Variants in PKD1 observed in about 807,000 individuals in gnomAD.
PKD1 encodes the protein polycystin 1, transient receptor potential channel interacting.
PKD1 carries 81 observed loss-of-function variants against 361.7 expected under a neutral mutation model. The ratio of observed to expected loss-of-function variants is 0.22; its 90% CI spans 0.19 to 0.27. The LOEUF (loss-of-function observed/expected upper bound fraction) is 0.27. Among genes scored for constraint, PKD1 ranks in the 10% least tolerant of loss-of-function variants. The pLI, the probability that PKD1 is intolerant of heterozygous loss-of-function variation, is 1.00. For missense variants in PKD1, 6,399 were observed against 6,118.3 expected (o/e 1.05, Z -1.53); for synonymous variants, 3,615 against 2,818.3 (o/e 1.28, Z -8.95).
At position 2,091,837 on chromosome 16, in the gene PKD1, C is replaced by T. The variant is rs548274621; in HGVS notation, c.11481G>A (p.Leu3827=). ...GGYVQELGLS[L]EESRDRLRFL... ...AGCGCAGCCGGTCGCGGCTCTCCTC[C>T]AGGCTCAGGCCCAGCTCCTGCACGT... The change falls in exon 41 of 46, where the codon CTG becomes CTA. Residue 3827 remains leucine (L), a synonymous_variant. Transcript: ENST00000262304. The T allele has an allele frequency of 1.2e-6, 2 of 1,610,132 alleles. No individual in the cohort carries two copies. Among genetic ancestry groups the T allele is most frequent in the Non-Finnish European group, 1.7e-6 (2 of 1,179,136 alleles).
chr16:2,092,009 T>A, intron 40 of PKD1, 38 bp downstream of exon 40: 1 of 1,612,648 alleles, frequency 6.2e-7, no homozygotes, highest in Non-Finnish European at 8.5e-7. Flanking sequence ...TACTCCCTTG[T>A]CCTTGGCGTA....
At chr16:2,107,119 G>T (rs1026110558) in intron 16 of PKD1, 171 bp from the exon 17 acceptor site, 62 of 698,680 alleles carry the variant, frequency 8.9e-5, no homozygotes, top group Non-Finnish European at 1.5e-4. Flanking sequence ...CTTCCAACTT[G>T]GACGGCGGAA....
chr16:2,098,444 CAA>C (rs2151731862), intron 30 of PKD1, among the ~76,000 whole-genome samples: 1 of 149,910 alleles, frequency 6.7e-6, no homozygotes, highest in African/African-American at 2.5e-5. Flanking sequence ...CTCCTGACCT[CAA>C]GTGATCTGCC....
intron 1 of PKD1, among the ~76,000 whole-genome samples, chr16:2,130,183 C>A (rs258368): frequency 1.3e-5 from 2 of 152,244 alleles, no homozygotes; most frequent in East Asian, 1.9e-4. Flanking sequence ...GTGCGGGAGC[C>A]ACGTAAGACC....
chr16:2,105,171 G>A, intron 21 of PKD1, 151 bp downstream of exon 21: 1 of 793,444 alleles, frequency 1.3e-6, no homozygotes, highest in Non-Finnish European at 2.1e-6. Context: ...TGAGGCTACT[G>A]AAGCAGGTCA....
In PKD1 at chr16:2,089,946, C is replaced by G; in HGVS notation, c.12693G>C (p.Gln4231His). ...CCAGCTGGTAGACGTCCTCTGTGGC[C>G]TGGTTGAGTCGGTCAAACTGGGTGA... is the stretch of plus-strand genomic sequence containing the variant. ...ALLTQFDRLNQATEDVYQLEQ... is the reference protein window; with the variant it reads ...ALLTQFDRLNHATEDVYQLEQ... Residue 4231 changes from glutamine (Q) to histidine (H), a missense_variant, in exon 46 of 46, where the codon CAG becomes CAC. Coordinates refer to ENST00000262304, the MANE Select transcript of PKD1 (RefSeq NM_001009944.3). 6.2e-7 allele frequency: 1 copy of G among 1,612,320 alleles called. No homozygotes were observed. The highest frequency in any genetic ancestry group is 8.5e-7 in the Non-Finnish European group (1 of 1,179,780).
rs777931181 is a variant in PKD1, at chr16:2,090,885, T to C, written c.12002A>G (p.Lys4001Arg). The change falls in exon 43 of 46, where the codon AAG becomes AGG. Residue 4001 changes from lysine (K) to arginine (R), a missense_variant and splice_region_variant. Coordinates refer to ENST00000262304, the MANE Select transcript of PKD1 (RefSeq NM_001009944.3). ...CGCGCCCACCGGCCCAGCCCTCACC[T>C]TGACCAAAAGCAGGAAGAGCAGCGA... is the stretch of plus-strand genomic sequence containing the variant. ...AASLLFLLLV[K>R]AAQQLRFVRQ... is the part of the protein sequence containing the mutation. 3.7e-6 allele frequency: 6 copies of C among 1,603,886 alleles called. No individual in the cohort carries two copies. The highest frequency in any genetic ancestry group is 5.1e-6 in the Non-Finnish European group (6 of 1,179,392).
At position 2,115,510 on chromosome 16, in the gene PKD1, C is replaced by A. The variant is rs765464388; in HGVS notation, c.1965G>T (p.Pro655=). ...CCTGGGGGTGGCAGGAGGCGTCCAG[C>A]GGCAAGCAGATGTTGGCTCCAGGGC... ...RWCPGANICL[P]LDASCHPQAC... The change falls in exon 10 of 46, where the codon CCG becomes CCT. Residue 655 remains proline, a synonymous_variant. Transcript: ENST00000262304. The A allele has an allele frequency of 4.1e-5, 66 of 1,598,900 alleles. No homozygotes were observed. The highest frequency in any genetic ancestry group is 3.7e-5 in the Non-Finnish European group (44 of 1,173,676).
intron 25 of PKD1, 32 bp downstream of exon 25, chr16:2,102,349 G>C (rs900489758): frequency 1.9e-6 from 3 of 1,548,964 alleles, no homozygotes; most frequent in Admixed American, 3.9e-5. Flanking sequence ...CCTCGACTCT[G>C]CAGAGGCTCC....
intron 32 of PKD1, 77 bp from the exon 33 acceptor site, chr16:2,097,580 A>G: frequency 6.2e-7 from 1 of 1,605,368 alleles, no homozygotes; most frequent in Non-Finnish European, 8.5e-7. Flanking sequence ...TCACGCACGG[A>G]CACCCTGGGC....
rs370784448 is a variant in PKD1, at chr16:2,090,659, C to T, written c.12138+15G>A. ...GCTGAGCTAAGACGCCCTCCCCGGC[C>T]GCGCAGTCACCTACCAGGATGGCCA... is the stretch of plus-strand genomic sequence containing the variant. On this transcript the variant is annotated intron_variant, in intron 44 of 45. Transcript: ENST00000262304. 175 of 1,611,480 alleles carry T rather than the reference C, an allele frequency of 1.1e-4. 2 individuals are homozygous for T. The South Asian group carries it at 1.8e-3, about 17-fold the overall frequency.
Position 2,106,578 on chromosome 16 carries a change from C to A in PKD1, c.7309G>T (p.Val2437Leu). Reference sequence around the variant, plus strand: ...GTGTATCCCTCGCCGTCCCGCAGCACGCCCCGCCGCAGCACCAGTCGCATG... The same window carrying A: ...GTGTATCCCTCGCCGTCCCGCAGCAAGCCCCGCCGCAGCACCAGTCGCATG... ...AGMRLVLRRG[V>L]LRDGEGYTFT... Residue 2437 changes from valine (V) to leucine (L), a missense_variant, in exon 18 of 46, where the codon GTG (valine) becomes TTG (leucine). Coordinates refer to ENST00000262304, the MANE Select transcript of PKD1 (RefSeq NM_001009944.3). The surrounding 1 kb of genome is among the most constrained non-coding windows in gnomAD (Gnocchi z 6.5). The A allele has an allele frequency of 6.3e-7, 1 of 1,596,206 alleles. No individual in the cohort carries two copies.
intron 21 of PKD1, among the ~76,000 whole-genome samples, chr16:2,104,899 AG>A: frequency 1.1e-4 from 1 of 8,996 alleles, no homozygotes; most frequent in Non-Finnish European, 2.1e-4. Context: ...AGGAGGGGAG[AG>A]AGGAGAGGGG....
rs556305710 is a variant in PKD1 at position 2,097,954 on chromosome 16, C to T, written c.10081G>A (p.Gly3361Arg). 4.1e-5 allele frequency: 66 copies of T among 1,600,236 alleles called. No homozygotes were observed. Among genetic ancestry groups the T allele is most frequent in the Middle Eastern group, 4.5e-4 (2 of 4,408 alleles). ...VAGSPSPTPA[G>R]QQVLDIDSCL... Reference sequence around the variant, plus strand: ...CTGTCGATGTCCAGCACCTGCTGCCCGGCAGGTGTGGGGCTCGGGCTCCCA... The same window carrying T: ...CTGTCGATGTCCAGCACCTGCTGCCTGGCAGGTGTGGGGCTCGGGCTCCCA... Residue 3361 changes from glycine (G) to arginine (R), a missense_variant, in exon 31 of 46, where the codon GGG (glycine) becomes AGG (arginine). Physicochemically the swap from Gly to Arg is moderately radical, Grantham distance 125. Transcript: ENST00000262304.
At chr16:2,120,643 A>C (rs1255819073) in intron 1 of PKD1, among the ~76,000 whole-genome samples, 2 of 152,236 alleles carry the variant, frequency 1.3e-5, no homozygotes, top group African/African-American at 2.4e-5. Context: ...TCGAGGCTGC[A>C]GTGAGCTATG....
Position 2,106,192 on chromosome 16 carries a change from G to A in PKD1, c.7602C>T (p.Ser2534=), listed in dbSNP as rs758304974. 15 of 1,609,986 alleles carry A rather than the reference G, an allele frequency of 9.3e-6. No individual in the cohort carries two copies. The highest frequency in any genetic ancestry group is 6.7e-5 in the African/African-American group (5 of 74,856). ...EFCVYKGSLS[S]YGAVLPPGFR... ...AACCCGGGGGCAGCACGGCTCCGTA[G>A]CTGGAGAGGCTGCCCTTGTAGACAC... The change falls in exon 19 of 46, where the codon AGC becomes AGT. Residue 2534 remains serine, a synonymous_variant. Transcript: ENST00000262304. The surrounding 1 kb of genome is among the most constrained non-coding windows in gnomAD (Gnocchi z 6.5).
At chr16:2,128,729 G>C (rs1321608651) in intron 1 of PKD1, among the ~76,000 whole-genome samples, 1 of 152,168 alleles carries the variant, frequency 6.6e-6, no homozygotes, top group Non-Finnish European at 1.5e-5. Context: ...TTTTGAGACA[G>C]AGTTTCACTC....
rs1283367135 is a variant in PKD1 at position 2,094,026 on chromosome 16, A to T, written c.10619-13T>A. 1.3e-6 allele frequency: 2 copies of T among 1,589,806 alleles called. No individual in the cohort carries two copies. The highest frequency in any genetic ancestry group is 1.7e-6 in the Non-Finnish European group (2 of 1,169,896). Reference sequence around the variant, plus strand: ...CCCTCCACCAGTCCTGGGGAAGCAGAGACAGACCTGTGAGAGGCAGCTCAC... The same window carrying T: ...CCCTCCACCAGTCCTGGGGAAGCAGTGACAGACCTGTGAGAGGCAGCTCAC... On this transcript the variant is annotated splice_polypyrimidine_tract_variant and intron_variant, in intron 35 of 45. Transcript: ENST00000262304.
chr16:2,124,380 C>G (rs1419213611), intron 1 of PKD1, among the ~76,000 whole-genome samples: 3 of 152,252 alleles, frequency 2.0e-5, no homozygotes, highest in African/African-American at 7.2e-5. Flanking sequence ...CTGCCCTCCC[C>G]CTGGGCTCTG....
Sources: gnomAD v4.1 joint callset for allele counts (sites outside exome capture counted in the v4.1 genomes callset) on GRCh38, gnomAD v4.1.1 for gene constraint, Gnocchi (gnomAD v3.1) non-coding constraint, MANE v1.5 for transcripts, NCBI Gene and HGNC (gene_info 2026-07-23, HGNC 2026-07-21) for gene names.